GC: variants seen among roughly 807,000 people sequenced by gnomAD.
GC encodes the protein GC vitamin D binding protein.
GC carries 43 observed loss-of-function variants against 56.7 expected under a neutral mutation model. That is an observed-to-expected ratio of 0.76 (90% confidence interval 0.59 to 0.98). GC has a LOEUF of 0.98. GC is among the 50% of genes least tolerant of loss of function. GC has a pLI of 0.00. For missense variants in GC, 529 were observed against 545.9 expected (o/e 0.97, Z 0.31); for synonymous variants, 216 against 202.7 (o/e 1.07, Z -0.56).
intron 1 of GC, among the ~76,000 whole-genome samples, chr4:71,774,885 G>A (rs1742458002): frequency 6.6e-6 from 1 of 151,856 alleles, no homozygotes; most frequent in African/African-American, 2.4e-5. Context: ...TTGTCCATGA[G>A]TTAGAGAATT....
intron 6 of GC, among the ~76,000 whole-genome samples, chr4:71,761,824 A>G (rs1741986243): frequency 6.6e-6 from 1 of 152,216 alleles, no homozygotes; most frequent in Non-Finnish European, 1.5e-5. Context: ...ACAGAAGTCA[A>G]GAATTGGGTT....
chr4:71,784,509 C>T (rs1026160135), upstream of GC: 2 of 155,206 alleles, frequency 1.3e-5, no homozygotes, highest in Non-Finnish European at 2.8e-5. Flanking sequence ...TAAGCATTAC[C>T]TTAAAATATT....
chr4:71,800,488 G>A (rs1243919963), intron 1 of GC, among the ~76,000 whole-genome samples: 1 of 152,096 alleles, frequency 6.6e-6, no homozygotes, highest in Non-Finnish European at 1.5e-5. Context: ...TCACTGATGG[G>A]TATTTGGGTT....
intron 3 of GC, 149 bp downstream of exon 3, chr4:71,768,152 C>A (rs1742216321): frequency 5.2e-6 from 3 of 578,336 alleles, no homozygotes; most frequent in South Asian, 6.3e-5. Flanking sequence ...TTAGAATAAA[C>A]CAGGCTGTAA....
At chr4:71,756,445 A>T (rs556917541) in intron 8 of GC, among the ~76,000 whole-genome samples, 1 of 152,234 alleles carries the variant, frequency 6.6e-6, no homozygotes, top group Non-Finnish European at 1.5e-5. Context: ...TTGGCCATGC[A>T]CAGGAAACAG....
At chr4:71,777,932 G>A (rs537696401) in intron 1 of GC, among the ~76,000 whole-genome samples, 8 of 151,784 alleles carry the variant, frequency 5.3e-5, no homozygotes, top group African/African-American at 1.9e-4. Flanking sequence ...AACACCTACT[G>A]TAGATGGTGG....
intron 1 of GC, among the ~76,000 whole-genome samples, chr4:71,792,357 T>G (rs1014804983): frequency 3.9e-5 from 6 of 152,242 alleles, no homozygotes; most frequent in Non-Finnish European, 5.9e-5. Flanking sequence ...TGATCACCAT[T>G]CTAACTGGCG....
At chr4:71,752,737 T>C (rs955413698) in intron 10 of GC, 87 bp from the exon 11 acceptor site, 1 of 1,171,732 alleles carries the variant, frequency 8.5e-7, no homozygotes, top group Non-Finnish European at 1.2e-6. Context: ...TTTCAGATCT[T>C]TTACAATAAA....
chr4:71,766,176 ATGAT>A (rs1251132594), intron 3 of GC, among the ~76,000 whole-genome samples: 1 of 152,158 alleles, frequency 6.6e-6, no homozygotes, highest in African/African-American at 2.4e-5. Flanking sequence ...CTCTTACCTA[ATGAT>A]TCTTGAACCG....
intron 1 of GC, among the ~76,000 whole-genome samples, chr4:71,803,643 C>A (rs1299402200): frequency 6.6e-6 from 1 of 152,106 alleles, no homozygotes; most frequent in African/African-American, 2.4e-5. Context: ...GATTCTATTT[C>A]ATTTCCTCAG....
At chr4:71,756,180 T>G (rs1255540348) in intron 8 of GC, among the ~76,000 whole-genome samples, 1 of 152,212 alleles carries the variant, frequency 6.6e-6, no homozygotes, top group African/African-American at 2.4e-5. Context: ...TTAGTATACT[T>G]TAGGCTTTTG....
intron 1 of GC, among the ~76,000 whole-genome samples, chr4:71,777,072 T>A (rs1578310003): frequency 2.6e-5 from 4 of 152,000 alleles, no homozygotes; most frequent in South Asian, 2.1e-4. Context: ...TTTATCTTTT[T>A]AAAATTATAA....
upstream of GC, among the ~76,000 whole-genome samples, chr4:71,788,329 G>C (rs1050008693): frequency 6.6e-6 from 1 of 151,650 alleles, no homozygotes; most frequent in Middle Eastern, 3.4e-3. Context: ...CAATAGGGGC[G>C]GTTATAGAAA....
chr4:71,779,855 G>A (rs563298278), intron 1 of GC, among the ~76,000 whole-genome samples: 1 of 151,798 alleles, frequency 6.6e-6, no homozygotes, highest in African/African-American at 2.4e-5. Flanking sequence ...GCGTAGGGCT[G>A]TTTTGACAGG....
chr4:71,750,947 T>G (rs866760805), intron 11 of GC, among the ~76,000 whole-genome samples: 1 of 152,068 alleles, frequency 6.6e-6, no homozygotes, highest in Non-Finnish European at 1.5e-5. Flanking sequence ...TGGCATGAAA[T>G]CATTTAACCT....
intron 1 of GC, among the ~76,000 whole-genome samples, chr4:71,772,579 G>A (rs886198730): frequency 2.0e-5 from 3 of 152,124 alleles, no homozygotes; most frequent in Non-Finnish European, 2.9e-5. Flanking sequence ...ATTTGTGTTT[G>A]CACACAGCAC....
chr4:71,771,825 T>C (rs950444519), intron 1 of GC, among the ~76,000 whole-genome samples: 6 of 152,176 alleles, frequency 3.9e-5, no homozygotes, highest in African/African-American at 1.2e-4. Context: ...TTTTATGGAA[T>C]TGAAGACTAG....
intron 1 of GC, among the ~76,000 whole-genome samples, chr4:71,780,005 C>G (rs946102633): frequency 1.3e-5 from 2 of 151,802 alleles, no homozygotes; most frequent in Non-Finnish European, 2.9e-5. Flanking sequence ...TAATAAAAAC[C>G]TCTTTTTGCC....
chr4:71,790,357 T>A (rs1358230960), intron 1 of GC, among the ~76,000 whole-genome samples: 2 of 152,150 alleles, frequency 1.3e-5, no homozygotes, highest in East Asian at 3.9e-4. Context: ...TCTTTTTACA[T>A]ATTTTTACTT....
Sources: gnomAD v4.1 joint callset for allele counts (sites outside exome capture counted in the v4.1 genomes callset) on GRCh38, gnomAD v4.1.1 for gene constraint, MANE v1.5 for transcripts, NCBI Gene and HGNC (gene_info 2026-07-23, HGNC 2026-07-21) for gene names.